Variants in FGGY observed in about 807,000 individuals in gnomAD.
FGGY encodes the protein FGGY carbohydrate kinase domain-containing protein.
FGGY carries 72 observed loss-of-function variants against 71.3 expected under a neutral mutation model. The ratio of observed to expected loss-of-function variants is 1.01; its 90% confidence interval spans 0.84 to 1.23. The LOEUF (loss-of-function observed/expected upper bound fraction) is 1.23, where lower values mean the gene tolerates loss of function less well. Ranked by LOEUF, FGGY falls within the 50% of genes most tolerant of loss-of-function variation. The pLI is 0.00. For synonymous variants in FGGY, 251 were observed against 250.3 expected (o/e 1.00, Z -0.02); for missense variants, 668 against 682.3 (o/e 0.98, Z 0.23).
chr1:59,756,465 T>G (rs2098292429), intron 14 of FGGY, among the ~76,000 whole-genome samples: 1 of 152,238 alleles, frequency 6.6e-6, no homozygotes, highest in African/African-American at 2.4e-5. Flanking sequence ...GAATAACTAC[T>G]GAAAGAAGTT....
At chr1:59,446,324 G>C (rs772152901) in intron 5 of FGGY, among the ~76,000 whole-genome samples, 4 of 152,066 alleles carry the variant, frequency 2.6e-5, no homozygotes, top group Non-Finnish European at 5.9e-5. Flanking sequence ...GTTCTTTCAT[G>C]CTCCCCATAT....
In FGGY at chr1:59,724,250, A is replaced by G. The variant is rs543226801; in HGVS notation, c.1513-33681A>G. ...TCCCAGCACTTTGGGAGGCCGAGGC[A>G]GGCAGATCACGAGGTCAGGAGATCA... is the stretch of plus-strand genomic sequence containing the variant. On this transcript the variant is annotated intron_variant, in intron 14 of 15. Coordinates refer to ENST00000303721, the MANE Select transcript of FGGY (RefSeq NM_018291.5). Among the ~76,000 whole-genome samples the G allele has an allele frequency of 2.5e-3, 376 of 151,710 alleles. 1 individual carries two copies. Among genetic ancestry groups the G allele is most frequent in the Non-Finnish European group, 3.2e-3 (220 of 67,906 alleles).
chr1:59,589,418 A>G (rs1370610156), intron 8 of FGGY, among the ~76,000 whole-genome samples: 1 of 152,194 alleles, frequency 6.6e-6, no homozygotes, highest in Admixed American at 6.5e-5. Context: ...AATTGAACTC[A>G]ACTCTGCACC....
intron 1 of FGGY, among the ~76,000 whole-genome samples, chr1:59,313,300 A>T (rs965346198): frequency 7.2e-5 from 11 of 152,192 alleles, no homozygotes; most frequent in Non-Finnish European, 1.3e-4. Context: ...TTTTTGGAGG[A>T]CACAAGCATT....
At chr1:59,617,635 C>A (rs1271639652) in intron 9 of FGGY, among the ~76,000 whole-genome samples, 1 of 151,928 alleles carries the variant, frequency 6.6e-6, no homozygotes, top group Non-Finnish European at 1.5e-5. Flanking sequence ...AGAACACTGA[C>A]CCCGTGCAGT....
At chr1:59,312,352 A>G (rs1557505555) in intron 1 of FGGY, among the ~76,000 whole-genome samples, 1 of 152,176 alleles carries the variant, frequency 6.6e-6, no homozygotes, top group African/African-American at 2.4e-5. Flanking sequence ...CTTTGTGACT[A>G]TCAACAGGAT....
At chr1:59,465,039 T>C (rs924353868) in intron 6 of FGGY, among the ~76,000 whole-genome samples, 54 of 152,270 alleles carry the variant, frequency 3.5e-4, no homozygotes, top group Admixed American at 2.7e-3. Context: ...CTGATACCAA[T>C]GCCTGGCAGA....
At chr1:59,615,349 A>G (rs556055049) in intron 9 of FGGY, among the ~76,000 whole-genome samples, 1 of 152,340 alleles carries the variant, frequency 6.6e-6, no homozygotes, top group East Asian at 1.9e-4. Context: ...AATGCCACAT[A>G]TCTACAACTA....
chr1:59,546,484 A>G (rs2153694783), intron 7 of FGGY, among the ~76,000 whole-genome samples: 1 of 150,236 alleles, frequency 6.7e-6, no homozygotes, highest in South Asian at 2.1e-4. Context: ...CTGTTGACTT[A>G]AAGCATAGGA....
Position 59,374,110 on chromosome 1 carries a change from A to G in FGGY, c.466-4639A>G, listed in dbSNP as rs190217101. Among the ~76,000 whole-genome samples, 3 of 152,346 alleles carry G rather than the reference A, an allele frequency of 2.0e-5. 1 individual carries two copies. Among genetic ancestry groups the G allele is most frequent in the African/African-American group, 2.4e-5 (1 of 41,580 alleles). ...GCAAAAGAAACTACCATCAGAGTGA[A>G]CAGGCAACCCACAAAATGGCAGAAA... On this transcript the variant is annotated intron_variant, in intron 4 of 15. Transcript: ENST00000303721.
chr1:59,478,366 G>A (rs1011855537), intron 6 of FGGY, among the ~76,000 whole-genome samples: 4 of 152,062 alleles, frequency 2.6e-5, no homozygotes, highest in African/African-American at 9.7e-5. Context: ...TATAAACTAT[G>A]GTATAAAGCT....
At chr1:59,353,056 C>T (rs910900678) in intron 4 of FGGY, among the ~76,000 whole-genome samples, 12 of 152,132 alleles carry the variant, frequency 7.9e-5, no homozygotes, top group Non-Finnish European at 1.3e-4. Context: ...CAAATCTATA[C>T]AGAAAAGTAC....
At chr1:59,698,003 C>CA (rs1287285921) in intron 14 of FGGY, among the ~76,000 whole-genome samples, 13 of 152,088 alleles carry the variant, frequency 8.5e-5, no homozygotes, top group Non-Finnish European at 1.5e-5. Flanking sequence ...ATACTTTTAT[C>CA]AAAAAAGCAT....
Position 59,661,905 on chromosome 1 carries a change from G to A in FGGY, c.1296+1612G>A, listed in dbSNP as rs1225341475. 2.0e-5 allele frequency among the ~76,000 whole-genome samples: 3 copies of A among 151,096 alleles called. No homozygotes were observed. In the East Asian group the frequency reaches 6.0e-4, roughly 30 times the overall value. On this transcript the variant is annotated intron_variant, in intron 12 of 15. Coordinates refer to ENST00000303721, the MANE Select transcript of FGGY (RefSeq NM_018291.5). ...CAGCTGATTTTTTGTATTTTTAGTA[G>A]AGATGGGGTTTCACCATGTTGGCCA...
chr1:59,759,006 T>C (rs1391361163), intron 15 of FGGY, among the ~76,000 whole-genome samples: 1 of 152,056 alleles, frequency 6.6e-6, no homozygotes, highest in Admixed American at 6.5e-5. Flanking sequence ...AGGGTCCAGA[T>C]AAAAGGCTTT....
intron 7 of FGGY, among the ~76,000 whole-genome samples, chr1:59,533,674 A>G (rs2153668669): frequency 6.6e-6 from 1 of 152,192 alleles, no homozygotes; most frequent in South Asian, 2.1e-4. Flanking sequence ...TGCCTCCTTA[A>G]GTGGGTCCCT....
intron 2 of FGGY, among the ~76,000 whole-genome samples, chr1:59,328,511 A>G (rs2047844793): frequency 6.6e-6 from 1 of 152,152 alleles, no homozygotes; most frequent in African/African-American, 2.4e-5. Context: ...AGACCACTCA[A>G]ATTTTCTCCA....
chr1:59,455,506 T>A (rs2091595933), intron 5 of FGGY, among the ~76,000 whole-genome samples: 1 of 152,204 alleles, frequency 6.6e-6, no homozygotes, highest in South Asian at 2.1e-4. Context: ...GACACAGTCA[T>A]ATCACAAAGG....
At chr1:59,524,493 T>C (rs749504826) in intron 7 of FGGY, among the ~76,000 whole-genome samples, 2 of 152,202 alleles carry the variant, frequency 1.3e-5, no homozygotes, top group Non-Finnish European at 1.5e-5. Context: ...TGTTGCTTTT[T>C]CTGGGTCCAC....
Sources: allele counts gnomAD v4.1 joint callset (sites outside exome capture counted in the v4.1 genomes callset), GRCh38; gene constraint gnomAD v4.1.1; transcripts MANE v1.5; gene names NCBI Gene and HGNC (gene_info 2026-07-23, HGNC 2026-07-21).